The following RREB1 variants were observed in gnomAD, a reference collection of about 807,000 sequenced individuals.
The protein encoded by RREB1 is ras responsive element binding protein 1, also known as ras-responsive element-binding protein 1.
Under a neutral mutation model 117.8 loss-of-function variants are expected in RREB1, and 27 were observed. The ratio of observed to expected loss-of-function variants is 0.23; its 90% CI spans 0.17 to 0.32. The LOEUF (loss-of-function observed/expected upper bound fraction) is 0.32, where lower values mean the gene tolerates loss of function less well. RREB1 is among the 10% of genes least tolerant of loss of function. RREB1 has a pLI of 1.00. For missense variants in RREB1, 2,577 were observed against 2,378.2 expected, an observed-to-expected ratio of 1.08 and a Z score of -1.74; for synonymous variants, 1,298 against 1,026.7, an observed-to-expected ratio of 1.26 and a Z score of -5.05.
At chr6:7,110,048 T>G (rs1761056859) in intron 1 of RREB1, among the ~76,000 whole-genome samples, 1 of 151,812 alleles carries the variant, frequency 6.6e-6, no homozygotes. Context: ...ATTTCTGTCT[T>G]AAGAAGAAAT....
At chr6:7,187,386 G>A (rs773190119) in intron 4 of RREB1, 48 bp from the exon 5 acceptor site, 3 of 1,213,718 alleles carry the variant, frequency 2.5e-6, no homozygotes, top group East Asian at 2.3e-5. Context: ...AAAGGCACTT[G>A]TTGACTGTGA....
chr6:7,210,849 A>G lies in RREB1; in HGVS notation c.471A>G (p.Thr157=). 6.2e-7 allele frequency: 1 copy of G among 1,614,112 alleles called. No homozygotes were observed. Among genetic ancestry groups the G allele is most frequent in the South Asian group, 1.1e-5 (1 of 91,084 alleles). Residue 157 remains threonine (T), a synonymous_variant, in exon 7 of 13, where the codon ACA becomes ACG. Coordinates refer to ENST00000379938, the MANE Select transcript of RREB1 (RefSeq NM_001003699.4). The part of the protein sequence containing the change: ...HEKDPNSATA[T]APPSPLKRRR... The stretch of plus-strand genomic sequence containing the variant: ...AGGACCCTAACAGTGCCACAGCCAC[A>G]GCCCCTCCATCTCCTCTGAAACGTA...
chr6:7,139,624 G>A (rs1275486656), intron 1 of RREB1, among the ~76,000 whole-genome samples: 1 of 152,140 alleles, frequency 6.6e-6, no homozygotes, highest in Non-Finnish European at 1.5e-5. Flanking sequence ...TTATTGATCA[G>A]GTAGTTGGGC....
At chr6:7,174,040 T>C (rs772127169) in intron 1 of RREB1, among the ~76,000 whole-genome samples, 11 of 152,036 alleles carry the variant, frequency 7.2e-5, no homozygotes, top group Non-Finnish European at 1.0e-4. Flanking sequence ...TTTGCGTAAA[T>C]CTTGTGGGAG....
chr6:7,177,432 A>G (rs1341034607), intron 2 of RREB1, among the ~76,000 whole-genome samples: 1 of 151,092 alleles, frequency 6.6e-6, no homozygotes, highest in African/African-American at 2.4e-5. Flanking sequence ...CTGGAACACC[A>G]GGTTCATCTG....
At chr6:7,196,218 G>GTTTTTTT (rs58448175) in intron 6 of RREB1, among the ~76,000 whole-genome samples, 1 of 121,470 alleles carries the variant, frequency 8.2e-6, no homozygotes. Context: ...TTTTTTTTTC[G>GTTTTTTT]TTTTTTTTTT....
At chr6:7,198,567 A>T (rs977127437) in intron 6 of RREB1, among the ~76,000 whole-genome samples, 4 of 152,218 alleles carry the variant, frequency 2.6e-5, no homozygotes, top group Non-Finnish European at 1.5e-5. Context: ...TGTGATTTTA[A>T]TGGGATATAC....
chr6:7,124,910 T>C (rs899736001), intron 1 of RREB1, among the ~76,000 whole-genome samples: 2 of 152,220 alleles, frequency 1.3e-5, no homozygotes, highest in Non-Finnish European at 2.9e-5. Flanking sequence ...GCTGTGCTTC[T>C]GACCTCTGGC....
chr6:7,108,277 G>A (rs1467728985), intron 1 of RREB1, among the ~76,000 whole-genome samples: 1 of 151,924 alleles, frequency 6.6e-6, no homozygotes, highest in Non-Finnish European at 1.5e-5. Flanking sequence ...CCAGGGATGA[G>A]CGGGGCAGCC....
At chr6:7,117,057 G>A (rs945639767) in intron 1 of RREB1, among the ~76,000 whole-genome samples, 2 of 152,072 alleles carry the variant, frequency 1.3e-5, no homozygotes, top group Non-Finnish European at 2.9e-5. Context: ...TCCATTACTC[G>A]TAGGATTCAA....
At position 7,229,978 on chromosome 6, in the gene RREB1, A is replaced by G. The variant is rs765088989; in HGVS notation, c.1879A>G (p.Met627Val). The G allele has an allele frequency of 5.0e-6, 8 of 1,607,302 alleles. No homozygotes were observed. Among genetic ancestry groups the G allele is most frequent in the Admixed American group, 3.3e-5 (2 of 59,718 alleles). ...CACAGAGGGGGAACTCAAGGCCTTC[A>G]TGACAGCGCCCGGCGGCAAGAAGAC... Reference protein sequence around the residue: ...EITEGELKAFMTAPGGKKTPA... With the variant: ...EITEGELKAFVTAPGGKKTPA... The change falls in exon 10 of 13, where the codon ATG (methionine) becomes GTG (valine). Residue 627 changes from methionine (M) to valine (V), a missense_variant. By Grantham distance (21) the Met-to-Val change is conservative (BLOSUM62 1). Transcript: ENST00000379938. This position sits in a 1 kb window ranked among gnomAD's most constrained non-coding sequence, Gnocchi z 4.5.
In RREB1 at chr6:7,231,484, C is replaced by T. The variant is rs1767973115; in HGVS notation, c.3385C>T (p.Pro1129Ser). 1.2e-6 allele frequency: 2 copies of T among 1,611,770 alleles called. No individual in the cohort carries two copies. Among genetic ancestry groups the T allele is most frequent in the South Asian group, 1.1e-5 (1 of 91,002 alleles). ...CACCAGCCCAAAAGAGTCTAGTGAG[C>T]CTCCCGCTCCAGCCAGCAGCCCAGA... Reference protein sequence around the residue: ...ATTSPKESSEPPAPASSPEAA... With the variant: ...ATTSPKESSESPAPASSPEAA... Residue 1129 changes from proline (P) to serine (S), a missense_variant, in exon 10 of 13, where the codon CCT becomes TCT. Coordinates refer to ENST00000379938, the MANE Select transcript of RREB1 (RefSeq NM_001003699.4).
chr6:7,129,922 G>T (rs566435647), intron 1 of RREB1, among the ~76,000 whole-genome samples: 1 of 152,268 alleles, frequency 6.6e-6, no homozygotes, highest in South Asian at 2.1e-4. Flanking sequence ...GTTTACTGAA[G>T]GTAGGGCCAA....
chr6:7,197,045 A>T (rs1765710579), intron 6 of RREB1, among the ~76,000 whole-genome samples: 1 of 152,168 alleles, frequency 6.6e-6, no homozygotes, highest in Non-Finnish European at 1.5e-5. Context: ...GAGCCAGAGC[A>T]CGCCTCTGGG....
At chr6:7,218,233 T>C (rs1013128214) in intron 8 of RREB1, 4 of 152,240 alleles carry the variant, frequency 2.6e-5, no homozygotes, top group Non-Finnish European at 5.9e-5. Flanking sequence ...TTCTTGCTGA[T>C]TGTGAGGAGG....
intron 6 of RREB1, among the ~76,000 whole-genome samples, chr6:7,189,879 T>G (rs566504341): frequency 7.2e-5 from 11 of 151,902 alleles, no homozygotes; most frequent in Non-Finnish European, 1.5e-4. Context: ...GACAGTAGAG[T>G]GGTAGACATA....
chr6:7,197,572 G>A (rs1371396031), intron 6 of RREB1, among the ~76,000 whole-genome samples: 1 of 152,202 alleles, frequency 6.6e-6, no homozygotes, highest in African/African-American at 2.4e-5. Context: ...TACTCAGGAA[G>A]TTGAGTTCAC....
Position 7,231,355 on chromosome 6 carries a change from G to A in RREB1, c.3256G>A (p.Val1086Met), listed in dbSNP as rs763437605. ...SSAPTLLKTKVADPGPASTGS... is the reference protein window; with the variant it reads ...SSAPTLLKTKMADPGPASTGS... ...GGCCCCCACCCTGCTGAAAACCAAG[G>A]TGGCGGACCCAGGGCCCGCAAGCAC... Residue 1086 changes from valine (V) to methionine (M), a missense_variant, in exon 10 of 13, where the codon GTG becomes ATG. Transcript: ENST00000379938. The A allele has an allele frequency of 8.1e-6, 13 of 1,612,744 alleles. No homozygotes were observed. Among genetic ancestry groups the A allele is most frequent in the Admixed American group, 1.7e-5 (1 of 59,952 alleles).
chr6:7,123,804 G>C (rs1448894473), intron 1 of RREB1, among the ~76,000 whole-genome samples: 1 of 151,894 alleles, frequency 6.6e-6, no homozygotes, highest in Non-Finnish European at 1.5e-5. Flanking sequence ...ATAGCGATGG[G>C]GTTTCACTGT....
Sources: gnomAD v4.1 joint callset for allele counts (sites outside exome capture counted in the v4.1 genomes callset) on GRCh38, gnomAD v4.1.1 for gene constraint, Gnocchi (gnomAD v3.1) non-coding constraint, MANE v1.5 for transcripts, NCBI Gene and HGNC (gene_info 2026-07-23, HGNC 2026-07-21) for gene names.